PPARGC1A: variants seen among roughly 807,000 people sequenced by gnomAD.
The protein encoded by PPARGC1A is peroxisome proliferator-activated receptor gamma coactivator 1-alpha.
Under a neutral mutation model 88.7 loss-of-function variants are expected in PPARGC1A, and 25 were observed. That is an observed-to-expected ratio of 0.28 (90% CI 0.21 to 0.39). The LOEUF is 0.39. Among genes scored for constraint, PPARGC1A ranks in the 10% least tolerant of loss-of-function variants. The pLI is 1.00. For synonymous variants in PPARGC1A, 363 were observed against 355.6 expected (o/e 1.02, Z -0.24); for missense variants, 880 against 968.7 (o/e 0.91, Z 1.22).
At chr4:23,956,986 C>T in the PPARGC1A span, among the ~76,000 whole-genome samples, 2 of 152,094 alleles carry the variant, frequency 1.3e-5, no homozygotes, top group African/African-American at 4.8e-5. Context: ...TTCAATTGCA[C>T]CAAGTTACAG....
At chr4:24,362,545 G>A in the PPARGC1A span, among the ~76,000 whole-genome samples, 2 of 152,100 alleles carry the variant, frequency 1.3e-5, no homozygotes, top group Non-Finnish European at 2.9e-5. Context: ...CAAAAACTAA[G>A]TTCCACAGCC....
At chr4:23,913,926 T>C in the PPARGC1A span, among the ~76,000 whole-genome samples, 42 of 152,298 alleles carry the variant, frequency 2.8e-4, no homozygotes, top group South Asian at 8.3e-3. Context: ...ACGGTGAAGA[T>C]GAAAAAGACA....
chr4:24,371,090 T>C, the PPARGC1A span, among the ~76,000 whole-genome samples: 1 of 152,090 alleles, frequency 6.6e-6, no homozygotes, highest in African/African-American at 2.4e-5. Flanking sequence ...TTCATCTATG[T>C]CCCCCACAAA....
chr4:24,347,765 A>G, the PPARGC1A span, among the ~76,000 whole-genome samples: 194 of 152,208 alleles, frequency 1.3e-3, 3 homozygotes, highest in Middle Eastern at 6.8e-3. Flanking sequence ...CAATGTTAGT[A>G]TTGAAATGTG....
At chr4:24,452,000 T>G in the PPARGC1A span, among the ~76,000 whole-genome samples, 1 of 152,154 alleles carries the variant, frequency 6.6e-6, no homozygotes, top group African/African-American at 2.4e-5. Context: ...ACTATTGGAC[T>G]TTGAGTAAAA....
rs1717348832 is a variant in PPARGC1A, at chr4:23,795,314, TATATATATATA to T, written c.*497_*507del. ...ATTTATATATATATATATATATATA[TATATATATATA>T]TATATTTCCTTTTGAATAGAATACG... On this transcript the variant is annotated 3_prime_UTR_variant, in exon 13 of 13. Transcript: ENST00000264867. 3.5e-5 allele frequency: 5 copies of T among 142,180 alleles called. No homozygotes were observed. The South Asian group carries it at 1.1e-3, about 32-fold the overall frequency. The allele number at this position is 142,180 out of a possible 1,614,324, so 8.8% of individuals were successfully genotyped here.
chr4:24,195,889 A>G, the PPARGC1A span, among the ~76,000 whole-genome samples: 1 of 152,216 alleles, frequency 6.6e-6, no homozygotes, highest in Non-Finnish European at 1.5e-5. Flanking sequence ...TTTAATCACC[A>G]AACTGTAGCT....
chr4:24,103,595 C>CAAAAAAAAAAAAAAAAAAAAAAAAAA, the PPARGC1A span, among the ~76,000 whole-genome samples: 9 of 121,574 alleles, frequency 7.4e-5, no homozygotes, highest in East Asian at 1.1e-3. Context: ...TGCCTTCTTC[C>CAAAAAAAAAAAAAAAAAAAAAAAAAA]AAAAAAAAAA....
chr4:24,413,836 G>A, the PPARGC1A span, among the ~76,000 whole-genome samples: 1 of 152,162 alleles, frequency 6.6e-6, no homozygotes, highest in Non-Finnish European at 1.5e-5. Context: ...GATAATGAGA[G>A]GCCAGTCACT....
chr4:23,906,479 G>T (rs559856470), upstream of PPARGC1A, among the ~76,000 whole-genome samples: 1 of 151,892 alleles, frequency 6.6e-6, no homozygotes, highest in South Asian at 2.1e-4. Context: ...TGGGCATGGT[G>T]GTGCATGCCT....
the PPARGC1A span, among the ~76,000 whole-genome samples, chr4:23,999,287 C>T: frequency 1.3e-5 from 2 of 152,170 alleles, no homozygotes; most frequent in East Asian, 1.9e-4. Flanking sequence ...AGGAGTCTCT[C>T]CCCCAGAGTT....
chr4:24,471,923 G>A, the PPARGC1A span, among the ~76,000 whole-genome samples: 4 of 152,212 alleles, frequency 2.6e-5, no homozygotes, highest in Admixed American at 2.0e-4. This position sits in a 1 kb window ranked among gnomAD's most constrained non-coding sequence, Gnocchi z 5.4. Context: ...GGAGTGGAGG[G>A]GGGACAGCAC....
At chr4:23,963,338 A>T in the PPARGC1A span, among the ~76,000 whole-genome samples, 1 of 152,214 alleles carries the variant, frequency 6.6e-6, no homozygotes, top group African/African-American at 2.4e-5. Flanking sequence ...CAAGCAAAAT[A>T]CCATTGACAA....
chr4:24,237,528 C>T, the PPARGC1A span, among the ~76,000 whole-genome samples: 18 of 152,280 alleles, frequency 1.2e-4, no homozygotes, highest in African/African-American at 4.1e-4. Flanking sequence ...TGGCCAAGTG[C>T]TCACCTACTA....
intron 2 of PPARGC1A, chr4:23,883,099 G>A (rs1172848500): frequency 6.6e-6 from 1 of 152,168 alleles, no homozygotes; most frequent in East Asian, 1.9e-4. Flanking sequence ...TGTACTGAGT[G>A]AGGAATGTTC....
chr4:24,184,749 G>A, the PPARGC1A span, among the ~76,000 whole-genome samples: 2 of 152,148 alleles, frequency 1.3e-5, no homozygotes, highest in African/African-American at 4.8e-5. Context: ...CACATAGAAT[G>A]AGGCACTGAA....
At chr4:24,320,354 C>G in the PPARGC1A span, among the ~76,000 whole-genome samples, 1 of 152,160 alleles carries the variant, frequency 6.6e-6, no homozygotes, top group East Asian at 1.9e-4. Context: ...AAACACCACA[C>G]CATTAATTAT....
chr4:24,435,975 A>G, the PPARGC1A span, among the ~76,000 whole-genome samples: 4 of 151,976 alleles, frequency 2.6e-5, no homozygotes, highest in South Asian at 6.2e-4. Context: ...GATGTGTACC[A>G]CTCTTGTTTG....
At position 23,814,145 on chromosome 4, in the gene PPARGC1A, A is replaced by G. The variant is rs1721482948; in HGVS notation, c.1338T>C (p.Pro446=). 3 of 1,614,094 alleles carry G rather than the reference A, an allele frequency of 1.9e-6. No homozygotes were observed. In the East Asian group the frequency reaches 6.7e-5, roughly 36 times the overall value. The part of the protein sequence containing the change: ...ETLEASKQVS[P]CSTRKQLQDQ... ...CTTGGAGCTGTTTTCTTGTGCTGCAAGGAGAGACCTGCTTGCTTGCCTCCA... is the reference window on the plus strand; with the variant it reads ...CTTGGAGCTGTTTTCTTGTGCTGCAGGGAGAGACCTGCTTGCTTGCCTCCA... The change falls in exon 8 of 13, where the codon CCT becomes CCC. Residue 446 remains proline, a synonymous_variant. Transcript: ENST00000264867.
Sources: gnomAD v4.1 joint callset for allele counts (sites outside exome capture counted in the v4.1 genomes callset) on GRCh38, gnomAD v4.1.1 for gene constraint, Gnocchi (gnomAD v3.1) non-coding constraint, MANE v1.5 for transcripts, NCBI Gene and HGNC (gene_info 2026-07-23, HGNC 2026-07-21) for gene names.